Variants in KIF26A observed in about 807,000 individuals in gnomAD.
KIF26A encodes kinesin-like protein KIF26A.
KIF26A carries 74 observed loss-of-function variants against 126.0 expected under a neutral mutation model. The ratio of observed to expected loss-of-function variants is 0.59; its 90% CI spans 0.49 to 0.71. The LOEUF (loss-of-function observed/expected upper bound fraction) is 0.71. Among genes scored for constraint, KIF26A ranks in the 30% least tolerant of loss-of-function variants. KIF26A has a pLI of 0.00. For missense variants in KIF26A, 2,984 were observed against 2,763.3 expected (o/e 1.08, Z -1.79); for synonymous variants, 1,445 against 1,232.7 (o/e 1.17, Z -3.61).
intron 4 of KIF26A, among the ~76,000 whole-genome samples, chr14:104,158,482 C>T (rs1179092325): frequency 3.9e-5 from 6 of 152,190 alleles, no homozygotes; most frequent in Admixed American, 3.3e-4. Context: ...AGGGCTTGAG[C>T]GGGTGCCCAC....
In KIF26A at chr14:104,152,235, C is replaced by T. The variant is rs780043191; in HGVS notation, c.509C>T (p.Ser170Leu). The T allele has an allele frequency of 2.6e-5, 42 of 1,598,234 alleles. No individual in the cohort carries two copies. The highest frequency in any genetic ancestry group is 1.6e-4 in the Middle Eastern group (1 of 6,066). ...SLAPPSTTTS[S>L]RDTPGPAGPA... Reference sequence around the variant, plus strand: ...GCACCCCCCAGCACCACGACCAGCTCGAGGGACACGCCAGGACCAGCGGGT... The same window carrying T: ...GCACCCCCCAGCACCACGACCAGCTTGAGGGACACGCCAGGACCAGCGGGT... Residue 170 changes from serine (S) to leucine (L), a missense_variant, in exon 3 of 15, where the codon TCG becomes TTG. Physicochemically the swap from Ser to Leu is moderately radical, Grantham distance 145 (BLOSUM62 -2). Transcript: ENST00000423312. This position sits in a 1 kb window ranked among gnomAD's most constrained non-coding sequence, Gnocchi z 5.9.
In KIF26A at chr14:104,177,250, G is replaced by A. The variant is rs750229588; in HGVS notation, c.4462G>A (p.Val1488Met). ...CTGTAGGAGCGGCGCAGCCAAGGCT[G>A]TGGGGGCCCCCAAGCCCCCTGTTGG... ...PACRSGAAKA[V>M]GAPKPPVGGG... is the part of the protein sequence containing the mutation. The change falls in exon 12 of 15, where the codon GTG (valine) becomes ATG (methionine). Residue 1488 changes from valine to methionine, a missense_variant. Transcript: ENST00000423312. The A allele has an allele frequency of 1.3e-6, 2 of 1,596,968 alleles. No homozygotes were observed. The highest frequency in any genetic ancestry group is 2.2e-5 in the East Asian group (1 of 44,468).
intron 4 of KIF26A, among the ~76,000 whole-genome samples, chr14:104,163,857 G>A (rs535339026): frequency 5.3e-5 from 8 of 152,066 alleles, no homozygotes; most frequent in Non-Finnish European, 1.2e-4. Flanking sequence ...CCAAGTCCCC[G>A]AGGCGGCGGG....
intron 5 of KIF26A, among the ~76,000 whole-genome samples, chr14:104,170,831 C>CAG (rs778100134): frequency 2.0e-5 from 3 of 152,260 alleles, no homozygotes; most frequent in Non-Finnish European, 2.9e-5. Flanking sequence ...CCCTCCCCGG[C>CAG]GTCTGCCCCC....
chr14:104,158,842 C>T (rs1162357330), intron 4 of KIF26A, among the ~76,000 whole-genome samples: 1 of 152,206 alleles, frequency 6.6e-6, no homozygotes, highest in African/African-American at 2.4e-5. Context: ...AGCCTCCTCT[C>T]ATCCTGATGG....
intron 3 of KIF26A, among the ~76,000 whole-genome samples, chr14:104,154,195 C>G (rs1000481691): frequency 6.6e-6 from 1 of 152,144 alleles, no homozygotes; most frequent in Non-Finnish European, 1.5e-5. Context: ...CGTCAACCAC[C>G]CCTGGGTCGA....
chr14:104,166,740 G>A, intron 4 of KIF26A, 119 bp from the exon 5 acceptor site: 1 of 1,017,554 alleles, frequency 9.8e-7, no homozygotes, highest in Non-Finnish European at 1.4e-6. Flanking sequence ...TTTGGACTGG[G>A]TTTCCTGGGA....
At chr14:104,166,374 G>T (rs914740604) in intron 4 of KIF26A, among the ~76,000 whole-genome samples, 7 of 152,242 alleles carry the variant, frequency 4.6e-5, no homozygotes, top group East Asian at 3.9e-4. Context: ...CCACACAGAG[G>T]CCTCCATTGT....
At position 104,175,068 on chromosome 14, in the gene KIF26A, C is replaced by G; in HGVS notation, c.2280C>G (p.Arg760=). The change falls in exon 12 of 15, where the codon CGC becomes CGG. Residue 760 remains arginine, a synonymous_variant. Transcript: ENST00000423312. ...CGCACCTGCGGCCCTTCCACCCACGCACTGTGGCCCTGGACCCCGACCGCA... is the reference window on the plus strand; with the variant it reads ...CGCACCTGCGGCCCTTCCACCCACGGACTGTGGCCCTGGACCCCGACCGCA... ...RPPHLRPFHP[R]TVALDPDRTP... 6.3e-7 allele frequency: 1 copy of G among 1,589,702 alleles called. No homozygotes were observed. The highest frequency in any genetic ancestry group is 1.7e-4 in the Middle Eastern group (1 of 6,038).
intron 2 of KIF26A, among the ~76,000 whole-genome samples, chr14:104,141,627 C>G (rs1250252980): frequency 1.3e-5 from 2 of 150,442 alleles, no homozygotes; most frequent in South Asian, 2.1e-4. Flanking sequence ...CCCTGCCTGT[C>G]TCCGTTGTAG....
rs2038034707 is a variant in KIF26A at position 104,176,810 on chromosome 14, C to T, written c.4022C>T (p.Thr1341Ile). 1 of 1,561,826 alleles carries T rather than the reference C, an allele frequency of 6.4e-7. No individual in the cohort carries two copies. Among genetic ancestry groups the T allele is most frequent in the Non-Finnish European group, 8.7e-7 (1 of 1,154,392 alleles). ...TCGGGGAGCCTGAAGGCCTCCCCCA[C>T]CAGCAAGAAGGGTCTGGCTCCCAAG... ...ACSGSLKASP[T>I]SKKGLAPKAG... Residue 1341 changes from threonine to isoleucine, a missense_variant, in exon 12 of 15, where the codon ACC becomes ATC. Coordinates refer to ENST00000423312, the MANE Select transcript of KIF26A (RefSeq NM_015656.2).
intron 3 of KIF26A, among the ~76,000 whole-genome samples, chr14:104,154,959 G>A (rs908775059): frequency 2.6e-5 from 4 of 152,170 alleles, no homozygotes; most frequent in Non-Finnish European, 5.9e-5. Flanking sequence ...TGGTCCTCAC[G>A]GCTGAGATGG....
chr14:104,177,152 C>G lies in KIF26A; in HGVS notation c.4364C>G (p.Pro1455Arg). The G allele has an allele frequency of 3.1e-6, 5 of 1,597,692 alleles. No homozygotes were observed. The highest frequency in any genetic ancestry group is 4.2e-6 in the Non-Finnish European group (5 of 1,179,284). Residue 1455 changes from proline to arginine, a missense_variant, in exon 12 of 15, where the codon CCT becomes CGT. By Grantham distance (103) the Pro-to-Arg change is moderately radical. Transcript: ENST00000423312. ...AHSSSKGREAPGRPPRAVPKL... is the reference protein window; with the variant it reads ...AHSSSKGREARGRPPRAVPKL... ...AGCAGCAGCAAGGGCCGGGAAGCCC[C>G]TGGGCGGCCTCCCCGGGCTGTACCC...
At chr14:104,155,079 C>T (rs1000707017) in intron 3 of KIF26A, among the ~76,000 whole-genome samples, 1 of 152,174 alleles carries the variant, frequency 6.6e-6, no homozygotes, top group African/African-American at 2.4e-5. Context: ...TGGGGCTCTG[C>T]AGGGTGGCGC....
chr14:104,171,238 A>G (rs1003608751), intron 5 of KIF26A, among the ~76,000 whole-genome samples: 6 of 152,104 alleles, frequency 3.9e-5, no homozygotes, highest in Non-Finnish European at 8.8e-5. Flanking sequence ...ATGCCCCTGG[A>G]TGGCTCCCCT....
At chr14:104,147,197 C>T (rs971174456) in intron 2 of KIF26A, among the ~76,000 whole-genome samples, 2 of 152,172 alleles carry the variant, frequency 1.3e-5, no homozygotes, top group Admixed American at 6.5e-5. Context: ...CCCACCTCGC[C>T]GGGGCCATCC....
chr14:104,154,750 C>T (rs751154058), intron 3 of KIF26A, among the ~76,000 whole-genome samples: 1 of 152,232 alleles, frequency 6.6e-6, no homozygotes, highest in Non-Finnish European at 1.5e-5. Context: ...AGGCTCTGGC[C>T]TTCAGAGCCC....
At chr14:104,139,785 C>T (rs1013742557) in intron 2 of KIF26A, among the ~76,000 whole-genome samples, 3 of 152,190 alleles carry the variant, frequency 2.0e-5, no homozygotes, top group African/African-American at 7.2e-5. Flanking sequence ...GCCTACTCCT[C>T]TCCCAGCCTC....
At chr14:104,170,119 G>A (rs1003554657) in intron 5 of KIF26A, among the ~76,000 whole-genome samples, 3 of 152,196 alleles carry the variant, frequency 2.0e-5, no homozygotes, top group Admixed American at 2.0e-4. Flanking sequence ...CAAACCGTGA[G>A]CCTCTCCACG....
Sources: gnomAD v4.1 joint callset for allele counts (sites outside exome capture counted in the v4.1 genomes callset) on GRCh38, gnomAD v4.1.1 for gene constraint, Gnocchi (gnomAD v3.1) non-coding constraint, MANE v1.5 for transcripts, NCBI Gene and HGNC (gene_info 2026-07-23, HGNC 2026-07-21) for gene names.